The following KCNAB1 variants were observed in gnomAD, a reference collection of about 807,000 sequenced individuals.
KCNAB1 encodes voltage-gated potassium channel subunit beta-1.
In KCNAB1, 35 loss-of-function variants were observed where a neutral mutation model predicts 64.6. The ratio of observed to expected loss-of-function variants is 0.54; its 90% CI spans 0.41 to 0.72. The LOEUF (loss-of-function observed/expected upper bound fraction) is 0.72. KCNAB1 is among the 30% of genes least tolerant of loss of function. The probability of loss-of-function intolerance (pLI) is 0.00; values close to 1 mark genes in which losing one functional copy is unlikely to be tolerated. For synonymous variants in KCNAB1, 177 were observed against 183.8 expected (o/e 0.96, Z 0.30); for missense variants, 401 against 512.9 (o/e 0.78, Z 2.11).
At chr3:156,487,646 A>G (rs1180105587) in intron 8 of KCNAB1, among the ~76,000 whole-genome samples, 1 of 152,144 alleles carries the variant, frequency 6.6e-6, no homozygotes. Context: ...TTTAAGGGCC[A>G]GTGGATGGAA....
intron 11 of KCNAB1, among the ~76,000 whole-genome samples, chr3:156,519,844 C>T (rs1488817562): frequency 6.6e-6 from 1 of 152,196 alleles, no homozygotes; most frequent in Non-Finnish European, 1.5e-5. Context: ...TCTTTACCAA[C>T]TTCAGTCCAG....
chr3:156,277,740 A>C (rs527904509), intron 1 of KCNAB1, among the ~76,000 whole-genome samples: 43 of 152,162 alleles, frequency 2.8e-4, no homozygotes, highest in Non-Finnish European at 5.4e-4. Context: ...TGCTGATTTC[A>C]TCTCCTTTGG....
intron 2 of KCNAB1, among the ~76,000 whole-genome samples, chr3:156,430,602 G>A (rs1333855522): frequency 6.6e-6 from 1 of 152,140 alleles, no homozygotes; most frequent in Non-Finnish European, 1.5e-5. Flanking sequence ...AGAAAACAGG[G>A]TCAGGGAGAG....
intron 1 of KCNAB1, among the ~76,000 whole-genome samples, chr3:156,299,243 C>T (rs887558643): frequency 6.6e-6 from 1 of 152,210 alleles, no homozygotes; most frequent in Admixed American, 6.5e-5. Context: ...CTAGAAAGGA[C>T]AATTCCCTTC....
chr3:156,152,314 C>T (rs1239069670), intron 1 of KCNAB1, among the ~76,000 whole-genome samples: 1 of 152,172 alleles, frequency 6.6e-6, no homozygotes, highest in East Asian at 1.9e-4. Context: ...ACCACAGACA[C>T]GGTTACCTCA....
At chr3:156,367,357 A>C (rs1322921209) in intron 1 of KCNAB1, among the ~76,000 whole-genome samples, 1 of 143,180 alleles carries the variant, frequency 7.0e-6, no homozygotes. Flanking sequence ...TTTTTTTTGT[A>C]TTTTTAGTAG....
chr3:156,310,264 C>G (rs146337036), intron 1 of KCNAB1, among the ~76,000 whole-genome samples: 51 of 152,236 alleles, frequency 3.4e-4, no homozygotes, highest in African/African-American at 1.1e-3. Context: ...CTTTAAAATC[C>G]AAGATGGTGA....
chr3:156,370,856 C>G (rs1726257368), intron 1 of KCNAB1, among the ~76,000 whole-genome samples: 1 of 152,196 alleles, frequency 6.6e-6, no homozygotes, highest in Admixed American at 6.5e-5. Context: ...GGAGAACCGC[C>G]TTACACATGG....
intron 1 of KCNAB1, among the ~76,000 whole-genome samples, chr3:156,209,032 G>T (rs1714848141): frequency 6.6e-6 from 1 of 152,220 alleles, no homozygotes. Context: ...TGTATTTAGT[G>T]TTAAAAGAGG....
intron 1 of KCNAB1, among the ~76,000 whole-genome samples, chr3:156,134,855 T>C (rs1714229247): frequency 6.6e-6 from 1 of 152,230 alleles, no homozygotes; most frequent in Non-Finnish European, 1.5e-5. Context: ...CTGAGGGCTT[T>C]TCAGTGGATT....
intron 1 of KCNAB1, among the ~76,000 whole-genome samples, chr3:156,419,463 T>C (rs1715321149): frequency 6.9e-6 from 1 of 144,346 alleles, no homozygotes; most frequent in Non-Finnish European, 1.5e-5. Context: ...ATTGCACCAC[T>C]GCACTCCAGC....
intron 1 of KCNAB1, among the ~76,000 whole-genome samples, chr3:156,232,530 G>C (rs1369052926): frequency 6.6e-6 from 1 of 152,226 alleles, no homozygotes; most frequent in Non-Finnish European, 1.5e-5. Flanking sequence ...CTACAGGCTT[G>C]GCCAAGAGGG....
chr3:156,387,197 A>G (rs1238208519), intron 1 of KCNAB1, among the ~76,000 whole-genome samples: 1 of 151,726 alleles, frequency 6.6e-6, no homozygotes, highest in African/African-American at 2.4e-5. Flanking sequence ...GAGCGGGGTG[A>G]CTGCTGAAGC....
At chr3:156,495,367 T>C (rs1486970992) in intron 8 of KCNAB1, among the ~76,000 whole-genome samples, 2 of 152,152 alleles carry the variant, frequency 1.3e-5, no homozygotes, top group African/African-American at 4.8e-5. Context: ...AACCCAGCAA[T>C]CCCATTACTG....
chr3:156,455,835 G>A (rs922664822), intron 3 of KCNAB1, among the ~76,000 whole-genome samples: 3 of 152,184 alleles, frequency 2.0e-5, no homozygotes. Context: ...CGGGGAAAGG[G>A]TGTTGCTCCT....
chr3:156,303,619 A>C (rs1425094212), intron 1 of KCNAB1, among the ~76,000 whole-genome samples: 1 of 152,166 alleles, frequency 6.6e-6, no homozygotes, highest in African/African-American at 2.4e-5. Context: ...GGATAGGAGG[A>C]TATTGCTCTA....
chr3:156,520,550 C>A (rs1270252481), intron 11 of KCNAB1, among the ~76,000 whole-genome samples: 1 of 152,144 alleles, frequency 6.6e-6, no homozygotes, highest in Non-Finnish European at 1.5e-5. Context: ...TTCCCTCCAG[C>A]CTGAGCAATA....
rs558389066 is a variant in KCNAB1 at position 156,244,266 on chromosome 3, C to CT, written c.275+123384dup. Among the ~76,000 whole-genome samples the CT allele has an allele frequency of 7.4e-4, 113 of 152,324 alleles. 1 individual carries two copies. In the South Asian group the frequency reaches 0.016, roughly 21 times the overall value. On this transcript the variant is annotated intron_variant, in intron 1 of 13. Transcript: ENST00000490337. ...GTCCATTTCTTTGGTCTGGCTCCTT[C>CT]TTTTATCTTCAAAGTGCATCACTCC...
At chr3:156,301,974 C>T (rs554496882) in intron 1 of KCNAB1, among the ~76,000 whole-genome samples, 1 of 152,312 alleles carries the variant, frequency 6.6e-6, no homozygotes, top group East Asian at 1.9e-4. Flanking sequence ...GTGTCTTAAA[C>T]TAACACAGAT....
Sources: allele counts gnomAD v4.1 joint callset (sites outside exome capture counted in the v4.1 genomes callset), GRCh38; gene constraint gnomAD v4.1.1; transcripts MANE v1.5; gene names NCBI Gene and HGNC (gene_info 2026-07-23, HGNC 2026-07-21).